The following CHD9 variants were observed in gnomAD, a reference collection of about 807,000 sequenced individuals.
CHD9 encodes the protein chromodomain helicase DNA binding protein 9.
Under a neutral mutation model 316.1 loss-of-function variants are expected in CHD9, and 77 were observed. The ratio of observed to expected loss-of-function variants is 0.24; its 90% CI spans 0.20 to 0.29. CHD9 has a LOEUF of 0.29. Among genes scored for constraint, CHD9 ranks in the 10% least tolerant of loss-of-function variants. The probability of loss-of-function intolerance (pLI) is 1.00; values close to 1 mark genes in which losing one functional copy is unlikely to be tolerated. For missense variants in CHD9, 2,763 were observed against 3,438.1 expected, an observed-to-expected ratio of 0.80 and a Z score of 4.91; for synonymous variants, 1,129 against 1,158.3, an observed-to-expected ratio of 0.97 and a Z score of 0.51.
chr16:53,129,711 CAT>C (rs1289232589), intron 1 of CHD9, among the ~76,000 whole-genome samples: 2 of 152,222 alleles, frequency 1.3e-5, no homozygotes, highest in African/African-American at 2.4e-5. Context: ...TTTGAACAAA[CAT>C]AAAGTAGGCC....
At chr16:53,090,638 C>T (rs972482057) in intron 1 of CHD9, among the ~76,000 whole-genome samples, 2 of 152,128 alleles carry the variant, frequency 1.3e-5, no homozygotes, top group African/African-American at 4.8e-5. Context: ...CTTTCCTCCC[C>T]GGCATGAAGC....
intron 2 of CHD9, chr16:53,208,160 GT>G: frequency 9.2e-7 from 1 of 1,085,284 alleles, no homozygotes; most frequent in Non-Finnish European, 1.1e-6. Flanking sequence ...AGGCAGAAAT[GT>G]GTTGATAAAT....
In CHD9 at chr16:53,303,845, C is replaced by T. The variant is rs752437688; in HGVS notation, c.5839C>T (p.Arg1947Cys). 3.8e-5 allele frequency: 61 copies of T among 1,613,866 alleles called. No individual in the cohort carries two copies. The highest frequency in any genetic ancestry group is 4.7e-5 in the Non-Finnish European group (55 of 1,179,902). The change falls in exon 31 of 39, where the codon CGC becomes TGC. Residue 1947 changes from arginine (R) to cysteine (C), a missense_variant. Coordinates refer to ENST00000447540, the MANE Select transcript of CHD9 (RefSeq NM_001308319.2). The part of the protein sequence containing the change: ...QALRHPQLFE[R>C]LKLCHPNPDL... ...CCTTCGACATCCACAGTTGTTTGAA[C>T]GCTTGAAGCTTTGCCATCCAAATCC...
At chr16:53,205,662 A>T (rs2045842865) in intron 2 of CHD9, among the ~76,000 whole-genome samples, 2 of 152,242 alleles carry the variant, frequency 1.3e-5, no homozygotes, top group Admixed American at 6.5e-5. Flanking sequence ...TTTATTAAAC[A>T]GTTGGGATTC....
intron 36 of CHD9, 60 bp downstream of exon 36, chr16:53,315,104 T>C: frequency 1.6e-6 from 2 of 1,213,046 alleles, no homozygotes; most frequent in Non-Finnish European, 2.4e-6. Flanking sequence ...AGATCTATCA[T>C]GATGAAGCAT....
chr16:53,208,777 T>C (rs2046090707), intron 2 of CHD9: 5 of 856,962 alleles, frequency 5.8e-6, no homozygotes, highest in African/African-American at 1.8e-5. Context: ...GGAAATTCTT[T>C]TTAAAATGCT....
At position 53,157,202 on chromosome 16, in the gene CHD9, G is replaced by A. The variant is rs747233305; in HGVS notation, c.1113G>A (p.Met371Ile). Residue 371 changes from methionine to isoleucine, a missense_variant, in exon 2 of 39, where the codon ATG becomes ATA. Coordinates refer to ENST00000447540, the MANE Select transcript of CHD9 (RefSeq NM_001308319.2). ...ATCCTGTTGACTCAGGAACTCAAAT[G>A]GGCCATTTCAATGATCATGTAGAAA... ...FPDPVDSGTQ[M>I]GHFNDHVETN... is the part of the protein sequence containing the mutation. 4 of 1,605,736 alleles carry A rather than the reference G, an allele frequency of 2.5e-6. No homozygotes were observed. Among genetic ancestry groups the A allele is most frequent in the Non-Finnish European group, 2.6e-6 (3 of 1,175,490 alleles).
chr16:53,113,154 A>G (rs1036355121), intron 1 of CHD9, among the ~76,000 whole-genome samples: 1 of 152,202 alleles, frequency 6.6e-6, no homozygotes, highest in African/African-American at 2.4e-5. Flanking sequence ...ACTGCAATCC[A>G]GCTTAGGTGA....
In CHD9 at chr16:53,254,542, G is replaced by A; in HGVS notation, c.3966G>A (p.Leu1322=). 6.2e-7 allele frequency: 1 copy of A among 1,613,156 alleles called. No individual in the cohort carries two copies. The highest frequency in any genetic ancestry group is 1.3e-5 in the African/African-American group (1 of 75,064). The change falls in exon 18 of 39, where the codon TTG becomes TTA. Residue 1322 remains leucine, a synonymous_variant. Coordinates refer to ENST00000447540, the MANE Select transcript of CHD9 (RefSeq NM_001308319.2). ...GAGAGATGTTTGACCGAGCCAGTTT[G>A]AAACTGGGCCTAGATAAAGCTGTGT... ...YEREMFDRAS[L]KLGLDKAVLQ...
intron 2 of CHD9, among the ~76,000 whole-genome samples, chr16:53,163,476 C>T (rs1477244293): frequency 6.6e-6 from 1 of 152,298 alleles, no homozygotes; most frequent in African/African-American, 2.4e-5. Flanking sequence ...TCCCAAAGTG[C>T]TGGGATTACA....
chr16:53,198,051 CG>C (rs1269773359), intron 2 of CHD9, among the ~76,000 whole-genome samples: 25 of 152,034 alleles, frequency 1.6e-4, no homozygotes, highest in Admixed American at 8.5e-4. Flanking sequence ...TCAAGCGTAT[CG>C]ACTCTCCAAC....
intron 1 of CHD9, among the ~76,000 whole-genome samples, chr16:53,095,932 C>T (rs145032072): frequency 7.5e-4 from 114 of 152,264 alleles, no homozygotes; most frequent in Non-Finnish European, 1.3e-3. Context: ...TTAATTTTTT[C>T]CAACTGAAAG....
chr16:53,070,534 T>TTC (rs1266141128), intron 1 of CHD9, among the ~76,000 whole-genome samples: 150 of 20,866 alleles, frequency 7.2e-3, no homozygotes, highest in African/African-American at 0.031. Context: ...CCTTCCTTCC[T>TTC]CTCTCTCTCT....
At chr16:53,321,698 A>C in intron 38 of CHD9, 68 bp downstream of exon 38, 1 of 771,048 alleles carries the variant, frequency 1.3e-6, no homozygotes, top group Non-Finnish European at 1.9e-6. Context: ...TATATCTTAG[A>C]TTAATTATAA....
chr16:53,201,838 G>A (rs895337520), intron 2 of CHD9, among the ~76,000 whole-genome samples: 3 of 150,912 alleles, frequency 2.0e-5, no homozygotes, highest in Non-Finnish European at 4.4e-5. Context: ...GGGGGGATCA[G>A]TTTGAGGTTT....
At chr16:53,085,606 G>A (rs1187439305) in intron 1 of CHD9, among the ~76,000 whole-genome samples, 1 of 152,206 alleles carries the variant, frequency 6.6e-6, no homozygotes, top group African/African-American at 2.4e-5. Flanking sequence ...CTAAGGAACA[G>A]GCAGGGACCT....
rs2057475975 is a variant in CHD9, at chr16:53,324,700, C to G, written c.8499C>G (p.Asp2833Glu). The G allele has an allele frequency of 6.2e-7, 1 of 1,613,314 alleles. No homozygotes were observed. Among genetic ancestry groups the G allele is most frequent in the Non-Finnish European group, 8.5e-7 (1 of 1,179,612 alleles). The part of the protein sequence containing the change: ...NTFDVQNKNS[D>E]LGSSKSVEVK... ...TTGATGTACAAAACAAAAACAGTGA[C>G]TTAGGCTCGTCTAAGTCTGTAGAAG... Residue 2833 changes from aspartate to glutamate, a missense_variant, in exon 39 of 39, where the codon GAC (aspartate) becomes GAG (glutamate). By Grantham distance (45) the Asp-to-Glu change is conservative (BLOSUM62 2). Coordinates refer to ENST00000447540, the MANE Select transcript of CHD9 (RefSeq NM_001308319.2).
chr16:53,275,694 T>A (rs999578212), intron 24 of CHD9, among the ~76,000 whole-genome samples: 2 of 152,046 alleles, frequency 1.3e-5, no homozygotes, highest in African/African-American at 4.8e-5. Flanking sequence ...TTCCCCCACC[T>A]TTGTAGAGAA....
chr16:53,175,517 A>G (rs1042962153), intron 2 of CHD9, among the ~76,000 whole-genome samples: 4 of 152,196 alleles, frequency 2.6e-5, no homozygotes, highest in African/African-American at 4.8e-5. Context: ...TCTGGTCCCT[A>G]TTACTCCATC....
Sources: allele counts gnomAD v4.1 joint callset (sites outside exome capture counted in the v4.1 genomes callset), GRCh38; gene constraint gnomAD v4.1.1; transcripts MANE v1.5; gene names NCBI Gene and HGNC (gene_info 2026-07-23, HGNC 2026-07-21).